The following MEGF8 variants were observed in gnomAD, a reference collection of about 807,000 sequenced individuals.
MEGF8 encodes the protein multiple EGF like domains 8.
A neutral mutation model predicts 302.9 loss-of-function variants in MEGF8; 156 were observed. The observed-to-expected ratio is 0.52, with a 90% CI of 0.45 to 0.59. MEGF8 has a LOEUF of 0.59. MEGF8 is among the 20% of genes least tolerant of loss of function. The pLI, the probability that MEGF8 is intolerant of heterozygous loss-of-function variation, is 0.00. For missense variants in MEGF8, 3,345 were observed against 3,964.5 expected (o/e 0.84, Z 4.20); for synonymous variants, 1,621 against 1,660.5 (o/e 0.98, Z 0.58).
rs1394132563 is a variant in MEGF8 at position 42,375,745 on chromosome 19, A to T, written c.7508A>T (p.Tyr2503Phe). ...GTGACCTTCGGGGCCGTGGACCTCT[A>T]TGTCTCCACCTCCTATGACACCTTC... ...LDVTFGAVDL[Y>F]VSTSYDTFVV... The change falls in exon 42 of 42, where the codon TAT becomes TTT. Residue 2503 changes from tyrosine to phenylalanine, a missense_variant. Transcript: ENST00000251268. The surrounding 1 kb of genome is among the most constrained non-coding windows in gnomAD (Gnocchi z 7.1). 6.2e-7 allele frequency: 1 copy of T among 1,612,420 alleles called. No individual in the cohort carries two copies. The highest frequency in any genetic ancestry group is 2.2e-5 in the East Asian group (1 of 44,854).
Position 42,370,274 on chromosome 19 carries a change from G to T in MEGF8, c.6920G>T (p.Arg2307Leu), listed in dbSNP as rs142506261. ...GTCRPCHAFC[R>L]GNSHICISRK... Reference sequence around the variant, plus strand: ...TGCCGGCCCTGCCACGCCTTTTGTCGTGGAAATAGCCACATCTGCATCTCC... The same window carrying T: ...TGCCGGCCCTGCCACGCCTTTTGTCTTGGAAATAGCCACATCTGCATCTCC... Residue 2307 changes from arginine (R) to leucine (L), a missense_variant, in exon 39 of 42, where the codon CGT becomes CTT. Coordinates refer to ENST00000251268, the MANE Select transcript of MEGF8 (RefSeq NM_001271938.2). 2.2e-5 allele frequency: 35 copies of T among 1,613,734 alleles called. No individual in the cohort carries two copies. The highest frequency in any genetic ancestry group is 2.5e-5 in the Non-Finnish European group (30 of 1,179,874).
chr19:42,335,797 C>T (rs1319143162), intron 5 of MEGF8, 134 bp from the exon 6 acceptor site: 2 of 802,200 alleles, frequency 2.5e-6, no homozygotes, highest in Non-Finnish European at 3.7e-6. Flanking sequence ...CTCTGCCGGT[C>T]TCTGCCTTTC....
chr19:42,370,556 G>A, intron 39 of MEGF8, 145 bp from the exon 40 acceptor site: 1 of 985,468 alleles, frequency 1.0e-6, no homozygotes. Flanking sequence ...CTGGGGCCTG[G>A]ACTCCTGGAT....
In MEGF8 at chr19:42,351,594, A is replaced by T. The variant is rs1205162189; in HGVS notation, c.2987+34A>T. ...CCTGGGGCAGGGCTAACAGAGGAAG[A>T]TTCCCCACCGGCAAGGGGCTGGGGC... On this transcript the variant is annotated intron_variant, in intron 17 of 41. Coordinates refer to ENST00000251268, the MANE Select transcript of MEGF8 (RefSeq NM_001271938.2). The surrounding 1 kb of genome is among the most constrained non-coding windows in gnomAD (Gnocchi z 5.6). 1 of 1,604,340 alleles carries T rather than the reference A, an allele frequency of 6.2e-7. No homozygotes were observed. Among genetic ancestry groups the T allele is most frequent in the African/African-American group, 1.3e-5 (1 of 74,694 alleles).
intron 40 of MEGF8, 90 bp downstream of exon 40, chr19:42,370,921 C>G: frequency 3.5e-6 from 2 of 567,076 alleles, no homozygotes; most frequent in Non-Finnish European, 6.5e-6. Flanking sequence ...GGAGCCAGGC[C>G]CCCTCTTTAG....
At chr19:42,364,286 C>T (rs541963387) in intron 35 of MEGF8, among the ~76,000 whole-genome samples, 9 of 152,250 alleles carry the variant, frequency 5.9e-5, no homozygotes, top group Admixed American at 3.9e-4. Context: ...CAAAGGCATT[C>T]GCACCCCACC....
rs770832315 is a variant in MEGF8 at position 42,348,264 on chromosome 19, T to C, written c.2098-8T>C. ...GACTCACACATACACCCATCCCTGG[T>C]GGCACAGGTCTCAATTGTCCGCAGC... On this transcript the variant is annotated splice_polypyrimidine_tract_variant and splice_region_variant and intron_variant, in intron 12 of 41. Transcript: ENST00000251268. 2 of 1,535,686 alleles carry C rather than the reference T, an allele frequency of 1.3e-6. No individual in the cohort carries two copies. Among genetic ancestry groups the C allele is most frequent in the South Asian group, 2.4e-5 (2 of 83,976 alleles).
rs955923310 is a variant in MEGF8 at position 42,369,148 on chromosome 19, A to G, written c.6641+146A>G. ...CAGTGGGATTGATTCCTGAAGGTCA[A>G]GAGTGGTGAGGCTGAGCAGGGAAGA... On this transcript the variant is annotated intron_variant, in intron 37 of 41. Transcript: ENST00000251268. This position sits in a 1 kb window ranked among gnomAD's most constrained non-coding sequence, Gnocchi z 5.7. 4 of 1,137,308 alleles carry G rather than the reference A, an allele frequency of 3.5e-6. No individual in the cohort carries two copies. The highest frequency in any genetic ancestry group is 4.9e-6 in the Non-Finnish European group (4 of 821,334). The allele number at this position is 1,137,308 out of a possible 1,614,324, so 70.5% of individuals were successfully genotyped here.
At chr19:42,364,981 G>C (rs1351038621) in intron 35 of MEGF8, among the ~76,000 whole-genome samples, 1 of 152,196 alleles carries the variant, frequency 6.6e-6, no homozygotes, top group Non-Finnish European at 1.5e-5. Flanking sequence ...GCTGACCCAA[G>C]TCCTGCCACT....
intron 41 of MEGF8, among the ~76,000 whole-genome samples, chr19:42,373,195 C>T (rs946560060): frequency 3.3e-5 from 5 of 150,960 alleles, no homozygotes; most frequent in Admixed American, 6.6e-5. Context: ...CAGGTTCAAG[C>T]GATTCTCCTG....
intron 41 of MEGF8, among the ~76,000 whole-genome samples, chr19:42,372,818 G>A (rs2039710869): frequency 6.6e-6 from 1 of 151,024 alleles, no homozygotes; most frequent in Non-Finnish European, 1.5e-5. Context: ...GACTACAGGC[G>A]TGTGCCACCA....
rs1291962165 is a variant in MEGF8, at chr19:42,348,440, C to T, written c.2266C>T (p.Arg756Trp). ...GGCCCAGCGCCTACACGTCCTGGCCCGGATGGCCCGTGGCCCTGACACGGA... is the reference window on the plus strand; with the variant it reads ...GGCCCAGCGCCTACACGTCCTGGCCTGGATGGCCCGTGGCCCTGACACGGA... ...TRAQRLHVLARMARGPDTENM... is the reference protein window; with the variant it reads ...TRAQRLHVLAWMARGPDTENM... Residue 756 changes from arginine to tryptophan, a missense_variant, in exon 13 of 42, where the codon CGG (arginine) becomes TGG (tryptophan). Physicochemically the swap from Arg to Trp is moderately radical, Grantham distance 101. Transcript: ENST00000251268. The T allele has an allele frequency of 5.9e-6, 9 of 1,529,830 alleles. No homozygotes were observed. The highest frequency in any genetic ancestry group is 2.0e-5 in the Admixed American group (1 of 50,610). 94.8% of individuals were successfully genotyped at this position (1,529,830 alleles called of 1,614,324 possible). A position where few individuals can be genotyped will look rare whatever the true frequency, so the allele number is the denominator to read the frequency against.
chr19:42,343,913 C>T (rs1215422312), intron 9 of MEGF8, 41 bp from the exon 10 acceptor site: 21 of 1,599,432 alleles, frequency 1.3e-5, no homozygotes, highest in Admixed American at 8.5e-5. Flanking sequence ...CCTCCTCCTC[C>T]GTCCCCTTGC....
rs759395924 is a variant in MEGF8 at position 42,360,992 on chromosome 19, G to A, written c.5706G>A (p.Gly1902=). Residue 1902 remains glycine, a synonymous_variant, in exon 32 of 42, where the codon GGG becomes GGA. Coordinates refer to ENST00000251268, the MANE Select transcript of MEGF8 (RefSeq NM_001271938.2). ...CTWCHGACLS[G]DQAHRLGCGG... is the part of the protein sequence containing the mutation. The stretch of plus-strand genomic sequence containing the variant: ...GGTGCCATGGGGCCTGCTTGTCCGG[G>A]GATCAGGCCCACAGGTAACCATGGC... The A allele has an allele frequency of 1.3e-6, 2 of 1,555,772 alleles. No individual in the cohort carries two copies. The highest frequency in any genetic ancestry group is 1.2e-5 in the South Asian group (1 of 82,268).
In MEGF8 at chr19:42,360,979, C is replaced by T; in HGVS notation, c.5693C>T (p.Ala1898Val). 1 of 1,567,380 alleles carries T rather than the reference C, an allele frequency of 6.4e-7. No homozygotes were observed. The highest frequency in any genetic ancestry group is 1.2e-5 in the South Asian group (1 of 84,802). Reference protein sequence around the residue: ...QSGACTWCHGACLSGDQAHRL... With the variant: ...QSGACTWCHGVCLSGDQAHRL... ...GGGGCCTGCACCTGGTGCCATGGGGCCTGCTTGTCCGGGGATCAGGCCCAC... is the reference window on the plus strand; with the variant it reads ...GGGGCCTGCACCTGGTGCCATGGGGTCTGCTTGTCCGGGGATCAGGCCCAC... The change falls in exon 32 of 42, where the codon GCC (alanine) becomes GTC (valine). Residue 1898 changes from alanine to valine, a missense_variant. Ala to Val is a moderately conservative substitution (Grantham distance 64, BLOSUM62 0). Transcript: ENST00000251268.
chr19:42,374,596 G>A (rs919172892), intron 41 of MEGF8, among the ~76,000 whole-genome samples: 10 of 151,932 alleles, frequency 6.6e-5, no homozygotes, highest in Non-Finnish European at 1.0e-4. Context: ...AATCATAGCC[G>A]TTATCTATCC....
At chr19:42,337,233 G>T (rs770282428) in intron 8 of MEGF8, 27 bp downstream of exon 8, 2 of 1,612,370 alleles carry the variant, frequency 1.2e-6, no homozygotes, top group Non-Finnish European at 1.7e-6. Context: ...CTTCCCTAGG[G>T]GCTCCTGAGG....
chr19:42,363,142 A>C lies in MEGF8; in HGVS notation c.6153A>C (p.Ser2051=). ...LLNVSPMPVE[S]SPPLPCPTPC... Reference sequence around the variant, plus strand: ...ATGTGTCCCCCATGCCGGTGGAATCATCACCCCCACTGCCCTGCCCCACCC... The same window carrying C: ...ATGTGTCCCCCATGCCGGTGGAATCCTCACCCCCACTGCCCTGCCCCACCC... Residue 2051 remains serine (S), a synonymous_variant, in exon 35 of 42, where the codon TCA becomes TCC. Transcript: ENST00000251268. 1 of 1,612,708 alleles carries C rather than the reference A, an allele frequency of 6.2e-7. No homozygotes were observed.
intron 41 of MEGF8, among the ~76,000 whole-genome samples, chr19:42,371,810 TG>T (rs1355245649): frequency 6.6e-6 from 1 of 152,118 alleles, no homozygotes; most frequent in Admixed American, 6.6e-5. Flanking sequence ...GGGCTGGGCA[TG>T]GTTGCTCATG....
Sources: allele counts gnomAD v4.1 joint callset (sites outside exome capture counted in the v4.1 genomes callset), GRCh38; gene constraint gnomAD v4.1.1; non-coding constraint Gnocchi (gnomAD v3.1); transcripts MANE v1.5; gene names NCBI Gene and HGNC (gene_info 2026-07-23, HGNC 2026-07-21).